The following CACNA1H variants were observed in gnomAD, a reference collection of about 807,000 sequenced individuals.
CACNA1H encodes voltage-dependent T-type calcium channel subunit alpha-1H.
CACNA1H carries 149 observed loss-of-function variants against 192.5 expected under a neutral mutation model. The ratio of observed to expected loss-of-function variants is 0.77; its 90% CI spans 0.68 to 0.89. The LOEUF (loss-of-function observed/expected upper bound fraction) is 0.89. Among genes scored for constraint, CACNA1H ranks in the 40% least tolerant of loss-of-function variants. CACNA1H has a pLI of 0.00. For synonymous variants in CACNA1H, 2,202 were observed against 1,475.2 expected (o/e 1.49, Z -11.29); for missense variants, 4,257 against 3,423.5 (o/e 1.24, Z -6.08).
chr16:1,202,449 C>T lies in CACNA1H; in HGVS notation c.1999C>T (p.His667Tyr). Reference protein sequence around the residue: ...YEKIPHVVGEHGLGQAPGHLS... With the variant: ...YEKIPHVVGEYGLGQAPGHLS... ...GAAGATCCCGCATGTGGTCGGGGAG[C>T]ATGGTGAGGACCCAGCCCCACCCCA... is the stretch of plus-strand genomic sequence containing the variant. Residue 667 changes from histidine to tyrosine, a missense_variant, in exon 9 of 35, where the codon CAT (histidine) becomes TAT (tyrosine). By Grantham distance (83) the His-to-Tyr change is moderately conservative. Coordinates refer to ENST00000348261, the MANE Select transcript of CACNA1H (RefSeq NM_021098.3). 1 of 1,489,034 alleles carries T rather than the reference C, an allele frequency of 6.7e-7. No individual in the cohort carries two copies. The highest frequency in any genetic ancestry group is 9.0e-7 in the Non-Finnish European group (1 of 1,115,306). The allele number at this position is 1,489,034 out of a possible 1,614,324, so 92.2% of individuals were successfully genotyped here.
At chr16:1,168,197 C>T (rs1379475309) in intron 2 of CACNA1H, among the ~76,000 whole-genome samples, 1 of 151,912 alleles carries the variant, frequency 6.6e-6, no homozygotes, top group Non-Finnish European at 1.5e-5. Context: ...GTGGGATCCC[C>T]CCCCCCAAGT....
rs1432843824 is a variant in CACNA1H at position 1,153,309 on chromosome 16, G to T, written c.-180G>T. 1 of 145,158 alleles carries T rather than the reference G, an allele frequency of 6.9e-6. No homozygotes were observed. Among genetic ancestry groups the T allele is most frequent in the Non-Finnish European group, 1.5e-5 (1 of 65,118 alleles). The allele number at this position is 145,158 out of a possible 1,614,324, so 9.0% of individuals were successfully genotyped here. ...GTCGAGCCGCGGCCGGGAGCCGGGC[G>T]GGCTGGGGACGCGGGCCGGGGGCGG... On this transcript the variant is annotated 5_prime_UTR_variant, in exon 1 of 35. Coordinates refer to ENST00000348261, the MANE Select transcript of CACNA1H (RefSeq NM_021098.3).
intron 2 of CACNA1H, among the ~76,000 whole-genome samples, chr16:1,169,013 G>T (rs2151695181): frequency 6.6e-6 from 1 of 152,256 alleles, no homozygotes. Context: ...TTCTCTGCCA[G>T]GGTTACGAGT....
At chr16:1,164,077 C>T (rs936581617) in intron 2 of CACNA1H, among the ~76,000 whole-genome samples, 2 of 152,156 alleles carry the variant, frequency 1.3e-5, no homozygotes, top group African/African-American at 2.4e-5. Flanking sequence ...GTATGGAGGC[C>T]GGCACAGGTG....
chr16:1,200,857 G>A (rs1967784052), intron 8 of CACNA1H, 49 bp downstream of exon 8: 12 of 1,457,038 alleles, frequency 8.2e-6, no homozygotes, highest in Non-Finnish European at 1.1e-5. Flanking sequence ...GTGTTAGCTG[G>A]CTGGGGGTGG....
rs932133497 is a variant in CACNA1H, at chr16:1,221,355, C to T, written c.*361C>T. Reference sequence around the variant, plus strand: ...CGTCCTTTCAGGCCCCGCGTTGTTACAGGACACTCGCTGGGGGCCCTGTGC... The same window carrying T: ...CGTCCTTTCAGGCCCCGCGTTGTTATAGGACACTCGCTGGGGGCCCTGTGC... On this transcript the variant is annotated 3_prime_UTR_variant, in exon 35 of 35. Transcript: ENST00000348261. 1 of 332,470 alleles carries T rather than the reference C, an allele frequency of 3.0e-6. No homozygotes were observed. Among genetic ancestry groups the T allele is most frequent in the South Asian group, 6.1e-5 (1 of 16,494 alleles). 20.6% of individuals were successfully genotyped at this position (332,470 alleles called of 1,614,324 possible). A position where few individuals can be genotyped will look rare whatever the true frequency, so the allele number is the denominator to read the frequency against.
intron 2 of CACNA1H, among the ~76,000 whole-genome samples, chr16:1,155,426 C>G (rs1371992303): frequency 6.6e-6 from 1 of 152,176 alleles, no homozygotes; most frequent in Non-Finnish European, 1.5e-5. Flanking sequence ...TGGTCATGCC[C>G]CTTTGTTCTG....
chr16:1,208,375 G>A (rs1404475769), intron 16 of CACNA1H, among the ~76,000 whole-genome samples, 154 bp downstream of exon 16: 3 of 152,216 alleles, frequency 2.0e-5, no homozygotes, highest in Non-Finnish European at 2.9e-5. Flanking sequence ...TCTGGTTTCC[G>A]GAAATGGAAG....
At chr16:1,214,501 G>A (rs910997858) in intron 27 of CACNA1H, among the ~76,000 whole-genome samples, 42 of 152,150 alleles carry the variant, frequency 2.8e-4, no homozygotes, top group Non-Finnish European at 4.7e-4. Flanking sequence ...AGGGTGAGGG[G>A]CTCCCAGGTC....
chr16:1,218,216 C>A lies in CACNA1H; in HGVS notation c.5452C>A (p.Leu1818Met). ...CAGCTGTCCCCCACCGCAGGACACG[C>A]TGCGCGAGTGCTCCCGTGAGGACAA... The part of the protein sequence containing the change: ...DNWNGIMKDT[L>M]RECSREDKHC... Residue 1818 changes from leucine to methionine, a missense_variant, in exon 33 of 35, where the codon CTG becomes ATG. Coordinates refer to ENST00000348261, the MANE Select transcript of CACNA1H (RefSeq NM_021098.3). 2 of 1,549,250 alleles carry A rather than the reference C, an allele frequency of 1.3e-6. No homozygotes were observed. Among genetic ancestry groups the A allele is most frequent in the Non-Finnish European group, 1.7e-6 (2 of 1,146,520 alleles).
chr16:1,219,724 T>G (rs1360491801), intron 34 of CACNA1H, among the ~76,000 whole-genome samples: 7 of 152,208 alleles, frequency 4.6e-5, no homozygotes, highest in African/African-American at 1.7e-4. Context: ...GCCTCAGCTC[T>G]GTGCCCCTGG....
chr16:1,181,657 G>A (rs1158525329), intron 2 of CACNA1H, among the ~76,000 whole-genome samples: 1 of 152,258 alleles, frequency 6.6e-6, no homozygotes, highest in Admixed American at 6.5e-5. Flanking sequence ...TAATTAGCAT[G>A]GCTTTTAAAA....
chr16:1,208,475 C>T (rs1005012137), intron 16 of CACNA1H, among the ~76,000 whole-genome samples: 105 of 152,308 alleles, frequency 6.9e-4, no homozygotes, highest in African/African-American at 2.4e-3. Context: ...CAGCGCACAG[C>T]ACAGAAAGAC....
At position 1,208,924 on chromosome 16, in the gene CACNA1H, A is replaced by G. The variant is rs531317713; in HGVS notation, c.3364-108A>G. 931 of 1,164,362 alleles carry G rather than the reference A, an allele frequency of 8.0e-4. 5 individuals carry two copies. In the African/African-American group the frequency reaches 0.014, roughly 17 times the overall value. 72.1% of individuals were successfully genotyped at this position (1,164,362 alleles called of 1,614,324 possible). On this transcript the variant is annotated intron_variant, in intron 16 of 34. Transcript: ENST00000348261. ...TCCACCGTGCCTCCCTGGCGGGGCT[A>G]TGCATTAAATGATCCACGTGTGGCT...
At chr16:1,190,640 C>A (rs1966519629) in intron 2 of CACNA1H, among the ~76,000 whole-genome samples, 1 of 152,244 alleles carries the variant, frequency 6.6e-6, no homozygotes. Context: ...TCGTGAGAGG[C>A]CTCCTTGGGG....
intron 2 of CACNA1H, among the ~76,000 whole-genome samples, chr16:1,184,721 C>A (rs1965808854): frequency 6.6e-6 from 1 of 152,236 alleles, no homozygotes. Flanking sequence ...GACACCCCCA[C>A]CAACCTATGC....
intron 9 of CACNA1H, among the ~76,000 whole-genome samples, chr16:1,203,789 C>A (rs1251847289): frequency 6.6e-6 from 1 of 152,168 alleles, no homozygotes; most frequent in Non-Finnish European, 1.5e-5. Flanking sequence ...TGGCTCAGGG[C>A]CCTCCCTACT....
rs776990820 is a variant in CACNA1H at position 1,201,892 on chromosome 16, G to A, written c.1442G>A (p.Arg481His). ...CGGCGCAGCTTGCGCCTCTACGCCC[G>A]CTGGCAGAGCCGCTGGCGCAAGAAG... is the stretch of plus-strand genomic sequence containing the variant. Reference protein sequence around the residue: ...VKRRSLRLYARWQSRWRKKVD... With the variant: ...VKRRSLRLYAHWQSRWRKKVD... The change falls in exon 9 of 35, where the codon CGC becomes CAC. Residue 481 changes from arginine to histidine, a missense_variant. By Grantham distance (29) the Arg-to-His change is conservative. Transcript: ENST00000348261. The A allele has an allele frequency of 1.5e-5, 24 of 1,551,268 alleles. 1 individual carries two copies. Among genetic ancestry groups the A allele is most frequent in the Admixed American group, 3.9e-5 (2 of 51,110 alleles).
At chr16:1,161,721 G>T (rs546211938) in intron 2 of CACNA1H, among the ~76,000 whole-genome samples, 1 of 152,204 alleles carries the variant, frequency 6.6e-6, no homozygotes, top group South Asian at 2.1e-4. Context: ...CGGGAGATAG[G>T]CTGTCAGCCC....
Sources: allele counts gnomAD v4.1 joint callset (sites outside exome capture counted in the v4.1 genomes callset), GRCh38; gene constraint gnomAD v4.1.1; transcripts MANE v1.5; gene names NCBI Gene and HGNC (gene_info 2026-07-23, HGNC 2026-07-21).